Variants in SHC4 observed in about 807,000 individuals in gnomAD.
SHC4 encodes SHC-transforming protein 4.
Under a neutral mutation model 69.4 loss-of-function variants are expected in SHC4, and 41 were observed. The observed-to-expected ratio is 0.59, with a 90% CI of 0.46 to 0.77. The LOEUF is 0.77. SHC4 is among the 30% of genes least tolerant of loss of function. SHC4 has a pLI of 0.00. For missense variants in SHC4, 777 were observed against 783.8 expected (o/e 0.99, Z 0.10); for synonymous variants, 318 against 299.3 (o/e 1.06, Z -0.64).
intron 2 of SHC4, among the ~76,000 whole-genome samples, chr15:48,914,486 G>A (rs544597566): frequency 1.2e-4 from 18 of 152,110 alleles, no homozygotes; most frequent in South Asian, 1.0e-3. Context: ...CTCTTTCATC[G>A]TCTTATTCTG....
intron 4 of SHC4, chr15:48,878,434 C>G: frequency 6.2e-7 from 1 of 1,612,692 alleles, no homozygotes; most frequent in Non-Finnish European, 8.5e-7. Context: ...AGCAGCCAGG[C>G]CAGGTGGCGG....
chr15:48,897,204 A>G (rs1900238753), intron 2 of SHC4, among the ~76,000 whole-genome samples: 1 of 152,220 alleles, frequency 6.6e-6, no homozygotes, highest in Non-Finnish European at 1.5e-5. Flanking sequence ...AGAAAGAAAG[A>G]GAAACGCCCC....
intron 1 of SHC4, among the ~76,000 whole-genome samples, chr15:48,956,129 A>G (rs373231662): frequency 6.6e-6 from 1 of 152,244 alleles, no homozygotes; most frequent in East Asian, 1.9e-4. Flanking sequence ...GTCTACTCCA[A>G]GAAAGAAATA....
intron 5 of SHC4, among the ~76,000 whole-genome samples, chr15:48,868,601 T>C (rs918994559): frequency 6.6e-6 from 1 of 152,208 alleles, no homozygotes; most frequent in Non-Finnish European, 1.5e-5. Flanking sequence ...ATGCTTTTTG[T>C]TATCTAAGTT....
At chr15:48,854,438 A>T (rs1180340279) in intron 8 of SHC4, among the ~76,000 whole-genome samples, 1 of 152,208 alleles carries the variant, frequency 6.6e-6, no homozygotes, top group Non-Finnish European at 1.5e-5. Context: ...CAGCACTCAA[A>T]CATTTGACCC....
intron 6 of SHC4, among the ~76,000 whole-genome samples, chr15:48,859,306 GGTGTGTGT>G (rs58641880): frequency 3.0e-4 from 44 of 145,916 alleles, no homozygotes; most frequent in South Asian, 2.0e-3. Flanking sequence ...ATTTGAAAGG[GGTGTGTGT>G]GTGTGTGTGT....
intron 1 of SHC4, among the ~76,000 whole-genome samples, chr15:48,951,199 C>T (rs1901359659): frequency 6.6e-6 from 1 of 152,086 alleles, no homozygotes; most frequent in South Asian, 2.1e-4. Flanking sequence ...TTCGGGGTCA[C>T]CTTGAACACA....
At chr15:48,928,740 C>G (rs1900901081) in intron 1 of SHC4, among the ~76,000 whole-genome samples, 1 of 152,132 alleles carries the variant, frequency 6.6e-6, no homozygotes, top group Non-Finnish European at 1.5e-5. Flanking sequence ...TTCATGTGAA[C>G]CTCTGTTTTG....
At position 48,867,879 on chromosome 15, in the gene SHC4, A is replaced by G; in HGVS notation, c.895-10T>C. 1.2e-6 allele frequency: 2 copies of G among 1,609,588 alleles called. No individual in the cohort carries two copies. Among genetic ancestry groups the G allele is most frequent in the Non-Finnish European group, 1.7e-6 (2 of 1,176,602 alleles). ...CATAGTCTGTAGTATCCTATAAAAAAGGGAAAATGACTGTATTTAAAATGG... is the reference window on the plus strand; with the variant it reads ...CATAGTCTGTAGTATCCTATAAAAAGGGGAAAATGACTGTATTTAAAATGG... On this transcript the variant is annotated splice_polypyrimidine_tract_variant and intron_variant, in intron 5 of 11. Coordinates refer to ENST00000332408, the MANE Select transcript of SHC4 (RefSeq NM_203349.4).
At chr15:48,891,101 T>C (rs1313372024) in intron 2 of SHC4, among the ~76,000 whole-genome samples, 5 of 152,232 alleles carry the variant, frequency 3.3e-5, no homozygotes, top group African/African-American at 1.2e-4. Context: ...TATTGTGTTG[T>C]TGATTTTTAA....
At chr15:48,860,334 G>T (rs186797109) in intron 6 of SHC4, among the ~76,000 whole-genome samples, 5 of 151,760 alleles carry the variant, frequency 3.3e-5, no homozygotes, top group Non-Finnish European at 7.4e-5. Flanking sequence ...GTGAAACCCC[G>T]TATCTATTAA....
chr15:48,930,962 C>G (rs1340308085), intron 1 of SHC4, among the ~76,000 whole-genome samples: 1 of 152,206 alleles, frequency 6.6e-6, no homozygotes, highest in East Asian at 1.9e-4. Context: ...CCTGAGCAAA[C>G]CAACTACTTC....
At chr15:48,857,896 C>A in intron 6 of SHC4, 81 bp from the exon 7 acceptor site, 1 of 1,136,602 alleles carries the variant, frequency 8.8e-7, no homozygotes, top group Non-Finnish European at 1.2e-6. Flanking sequence ...TACTTCAAAA[C>A]CATGAACTGA....
Position 48,963,146 on chromosome 15 carries a change from G to A in SHC4, c.-131C>T. ...CAGCCACCTCTCCAACTCTGCTCTC[G>A]AGCTCGCCCACCTCGGCTCCCGGCC... On this transcript the variant is annotated 5_prime_UTR_variant, in exon 1 of 12. Transcript: ENST00000332408. 3.1e-6 allele frequency: 3 copies of A among 971,820 alleles called. No individual in the cohort carries two copies. Among genetic ancestry groups the A allele is most frequent in the Admixed American group, 5.6e-5 (2 of 35,508 alleles). 60.2% of individuals were successfully genotyped at this position (971,820 alleles called of 1,614,324 possible).
chr15:48,875,977 C>T (rs901037095), intron 4 of SHC4, among the ~76,000 whole-genome samples: 1 of 152,198 alleles, frequency 6.6e-6, no homozygotes, highest in African/African-American at 2.4e-5. Flanking sequence ...GCAGAGCACA[C>T]ACGTCTTCTC....
At chr15:48,853,697 C>CATTT (rs1899259179) in intron 8 of SHC4, among the ~76,000 whole-genome samples, 1 of 152,112 alleles carries the variant, frequency 6.6e-6, no homozygotes, top group Non-Finnish European at 1.5e-5. Flanking sequence ...CACCTGCAGC[C>CATTT]ATTTGATCTT....
chr15:48,869,334 A>C (rs2413918), intron 5 of SHC4, among the ~76,000 whole-genome samples: 1 of 152,180 alleles, frequency 6.6e-6, no homozygotes, highest in Non-Finnish European at 1.5e-5. Context: ...TGAGAAGGCT[A>C]TTCATTATTT....
At chr15:48,944,130 G>A (rs1488392567) in intron 1 of SHC4, among the ~76,000 whole-genome samples, 2 of 152,166 alleles carry the variant, frequency 1.3e-5, no homozygotes, top group African/African-American at 2.4e-5. Context: ...CTTTCAAGTG[G>A]TAAAGGGATG....
chr15:48,955,064 A>G (rs1432490396), intron 1 of SHC4, among the ~76,000 whole-genome samples: 1 of 152,170 alleles, frequency 6.6e-6, no homozygotes, highest in East Asian at 1.9e-4. Context: ...TTACAATGAG[A>G]AAAAGCTCCA....
Sources: allele counts gnomAD v4.1 joint callset (sites outside exome capture counted in the v4.1 genomes callset), GRCh38; gene constraint gnomAD v4.1.1; transcripts MANE v1.5; gene names NCBI Gene and HGNC (gene_info 2026-07-23, HGNC 2026-07-21).